The following APBB1IP variants were observed in gnomAD, a reference collection of about 807,000 sequenced individuals.
APBB1IP encodes the protein amyloid beta A4 precursor protein-binding family B member 1-interacting protein.
In APBB1IP, 27 loss-of-function variants were observed where a neutral mutation model predicts 64.9. The ratio of observed to expected loss-of-function variants is 0.42; its 90% CI spans 0.31 to 0.57. APBB1IP has a LOEUF of 0.57. Ranked by LOEUF, APBB1IP falls within the 20% of genes least tolerant of loss-of-function variation. The pLI, the probability that APBB1IP is intolerant of heterozygous loss-of-function variation, is 0.20. For synonymous variants in APBB1IP, 392 were observed against 331.0 expected (o/e 1.18, Z -2.00); for missense variants, 812 against 845.5 (o/e 0.96, Z 0.49).
intron 11 of APBB1IP, among the ~76,000 whole-genome samples, chr10:26,542,956 A>G (rs925035338): frequency 2.0e-5 from 3 of 147,778 alleles, no homozygotes; most frequent in Admixed American, 6.9e-5. Flanking sequence ...TGGAGCAGGG[A>G]CTACTGACAT....
chr10:26,500,431 C>A (rs1836082387), intron 4 of APBB1IP, among the ~76,000 whole-genome samples: 1 of 152,130 alleles, frequency 6.6e-6, no homozygotes, highest in South Asian at 2.1e-4. Context: ...CCCTTCCATC[C>A]ATTTCCAATG....
rs561574427 is a variant in APBB1IP, at chr10:26,497,754, T to C, written c.160+1363T>C. On this transcript the variant is annotated intron_variant, in intron 4 of 14. Transcript: ENST00000376236. ...TTTTTTTTTTTTTTTTCAGGCAGAG[T>C]CTCTCTCTGTCACCTAGGCTGGAGT... is the stretch of plus-strand genomic sequence containing the variant. 1.4e-4 allele frequency among the ~76,000 whole-genome samples: 18 copies of C among 133,188 alleles called. No homozygotes were observed. In the East Asian group the frequency reaches 4.2e-3, roughly 31 times the overall value. The allele number at this position is 133,188 out of a possible 152,430, so 87.4% of individuals were successfully genotyped here. A position where few individuals can be genotyped will look rare whatever the true frequency, so the allele number is the denominator to read the frequency against.
intron 4 of APBB1IP, 54 bp downstream of exon 4, chr10:26,496,445 A>C: frequency 7.4e-7 from 1 of 1,352,400 alleles, no homozygotes; most frequent in Non-Finnish European, 1.1e-6. Context: ...TGATGATTCA[A>C]ATCAGTATGA....
chr10:26,467,947 C>T (rs1835667871), intron 2 of APBB1IP, among the ~76,000 whole-genome samples: 1 of 152,222 alleles, frequency 6.6e-6, no homozygotes, highest in Non-Finnish European at 1.5e-5. Flanking sequence ...ATAGAAACTA[C>T]AACCGCTATC....
At chr10:26,564,387 T>TA (rs1404319126) in intron 14 of APBB1IP, among the ~76,000 whole-genome samples, 2 of 152,254 alleles carry the variant, frequency 1.3e-5, no homozygotes, top group African/African-American at 4.8e-5. Flanking sequence ...CTGGTGATTT[T>TA]ACTTTTCAGA....
intron 2 of APBB1IP, among the ~76,000 whole-genome samples, chr10:26,452,544 G>A (rs1213323501): frequency 2.0e-5 from 3 of 152,066 alleles, no homozygotes; most frequent in Non-Finnish European, 4.4e-5. Flanking sequence ...AATTTCTCTA[G>A]GCCTGATTTT....
rs772361790 is a variant in APBB1IP, at chr10:26,567,467, G to A, written c.1980G>A (p.Lys660=). ...FMSDLMKALQ[K]KRGNVS ...CAGACCTCATGAAAGCTTTGCAAAA[G>A]AAGAGAGGCAACGTGTCCTAGGGAC... Residue 660 remains lysine (K), a synonymous_variant, in exon 15 of 15, where the codon AAG becomes AAA. Transcript: ENST00000376236. 1 of 1,592,460 alleles carries A rather than the reference G, an allele frequency of 6.3e-7. No homozygotes were observed. Among genetic ancestry groups the A allele is most frequent in the South Asian group, 1.1e-5 (1 of 90,858 alleles).
rs1243893206 is a variant in APBB1IP at position 26,567,629 on chromosome 10, A to T, written c.*141A>T. The T allele has an allele frequency of 7.0e-6, 10 of 1,422,458 alleles. No homozygotes were observed. The Admixed American group carries it at 2.1e-4, about 30-fold the overall frequency. 88.1% of individuals were successfully genotyped at this position (1,422,458 alleles called of 1,614,324 possible). Reference sequence around the variant, plus strand: ...CTCACTGATGTGCTCAAGTACAGGCATAACCATTAACCCAGTAGAGTTCAG... The same window carrying T: ...CTCACTGATGTGCTCAAGTACAGGCTTAACCATTAACCCAGTAGAGTTCAG... On this transcript the variant is annotated 3_prime_UTR_variant, in exon 15 of 15. Transcript: ENST00000376236.
chr10:26,491,887 G>C (rs528898573), intron 2 of APBB1IP, among the ~76,000 whole-genome samples: 5 of 149,320 alleles, frequency 3.3e-5, no homozygotes, highest in Admixed American at 2.7e-4. Context: ...TCAGCCTCCC[G>C]AGTAGCTGGG....
chr10:26,560,634 G>A (rs1041533450), intron 12 of APBB1IP, 96 bp from the exon 13 acceptor site: 4 of 780,758 alleles, frequency 5.1e-6, no homozygotes, highest in Middle Eastern at 5.2e-4. Flanking sequence ...GAGTAGCCGT[G>A]GAGTATTTAT....
intron 8 of APBB1IP, among the ~76,000 whole-genome samples, chr10:26,528,815 T>A (rs1458633883): frequency 1.3e-5 from 2 of 152,184 alleles, no homozygotes; most frequent in Non-Finnish European, 2.9e-5. Context: ...CATGTGCCTG[T>A]AGCCCCAGCT....
At position 26,558,397 on chromosome 10, in the gene APBB1IP, T is replaced by C. The variant is rs1017247293; in HGVS notation, c.1156-1708T>C. ...TGGAATACCTGCCATGCGCTGGCCA[T>C]GTGCTAAGCACTGAGGGTCTTCAGC... On this transcript the variant is annotated intron_variant, in intron 11 of 14. Transcript: ENST00000376236. 2.0e-5 allele frequency among the ~76,000 whole-genome samples: 3 copies of C among 152,168 alleles called. No individual in the cohort carries two copies. In the South Asian group the frequency reaches 6.2e-4, roughly 32 times the overall value.
chr10:26,461,088 G>C (rs1835583767), intron 2 of APBB1IP, among the ~76,000 whole-genome samples: 1 of 151,852 alleles, frequency 6.6e-6, no homozygotes, highest in Non-Finnish European at 1.5e-5. Flanking sequence ...CATCATAAAA[G>C]GCACTTGGAG....
Position 26,495,951 on chromosome 10 carries a change from AT to A in APBB1IP, c.73-349del, listed in dbSNP as rs1291492816. 1.0e-3 allele frequency among the ~76,000 whole-genome samples: 137 copies of A among 137,498 alleles called. 2 individuals carry two copies. In the South Asian group the frequency reaches 0.027, roughly 27 times the overall value. 90.2% of individuals were successfully genotyped at this position (137,498 alleles called of 152,430 possible). A position where few individuals can be genotyped will look rare whatever the true frequency, so the allele number is the denominator to read the frequency against. On this transcript the variant is annotated intron_variant, in intron 3 of 14. Transcript: ENST00000376236. Reference sequence around the variant, plus strand: ...TATATATTTAATATATATAAAATATATTTTATATATATTTAATATATATAAA... The same window carrying A: ...TATATATTTAATATATATAAAATATATTTATATATATTTAATATATATAAA...
intron 2 of APBB1IP, among the ~76,000 whole-genome samples, chr10:26,474,179 C>G (rs1484813373): frequency 6.6e-6 from 1 of 152,024 alleles, no homozygotes; most frequent in South Asian, 2.1e-4. Context: ...GTAGATTGAG[C>G]CTTTCAGAGA....
intron 8 of APBB1IP, among the ~76,000 whole-genome samples, chr10:26,518,774 A>C (rs1247566610): frequency 6.6e-6 from 1 of 152,236 alleles, no homozygotes; most frequent in Non-Finnish European, 1.5e-5. Flanking sequence ...CCCTAGACTA[A>C]GCATCAACAA....
intron 8 of APBB1IP, among the ~76,000 whole-genome samples, chr10:26,517,025 T>C (rs1249481507): frequency 6.6e-6 from 1 of 152,150 alleles, no homozygotes; most frequent in East Asian, 1.9e-4. Flanking sequence ...ATGCTGAGGG[T>C]TCCCCTCCCA....
chr10:26,553,796 A>T (rs183672652), intron 11 of APBB1IP, among the ~76,000 whole-genome samples: 1 of 152,300 alleles, frequency 6.6e-6, no homozygotes, highest in East Asian at 1.9e-4. Context: ...AACTGCTATT[A>T]TTAAGATTTC....
chr10:26,462,705 T>C (rs1290937028), intron 2 of APBB1IP, among the ~76,000 whole-genome samples: 1 of 152,238 alleles, frequency 6.6e-6, no homozygotes, highest in African/African-American at 2.4e-5. Context: ...GAATGCTTTT[T>C]TTAGTGGCAA....
Sources: gnomAD v4.1 joint callset for allele counts (sites outside exome capture counted in the v4.1 genomes callset) on GRCh38, gnomAD v4.1.1 for gene constraint, MANE v1.5 for transcripts, NCBI Gene and HGNC (gene_info 2026-07-23, HGNC 2026-07-21) for gene names.